Variants in SNTG1 observed in about 807,000 individuals in gnomAD.
SNTG1 encodes syntrophin gamma 1, also known as gamma-1-syntrophin.
A neutral mutation model predicts 74.7 loss-of-function variants in SNTG1; 39 were observed. The observed-to-expected ratio is 0.52, with a 90% confidence interval of 0.40 to 0.68. The LOEUF (loss-of-function observed/expected upper bound fraction) is 0.68, where lower values mean the gene tolerates loss of function less well. Ranked by LOEUF, SNTG1 falls within the 30% of genes least tolerant of loss-of-function variation. The pLI, the probability that SNTG1 is intolerant of heterozygous loss-of-function variation, is 0.00. For missense variants in SNTG1, 685 were observed against 609.5 expected (o/e 1.12, Z -1.30); for synonymous variants, 254 against 217.1 (o/e 1.17, Z -1.49).
At chr8:50,555,915 C>T (rs756309233) in intron 12 of SNTG1, among the ~76,000 whole-genome samples, 79 of 152,118 alleles carry the variant, frequency 5.2e-4, no homozygotes, top group African/African-American at 1.4e-3. Context: ...AAACAAAAAA[C>T]GAAAAACAAC....
chr8:50,165,713 T>C (rs550841765), intron 1 of SNTG1, among the ~76,000 whole-genome samples: 1 of 152,306 alleles, frequency 6.6e-6, no homozygotes, highest in South Asian at 2.1e-4. Context: ...AAACCCTGGA[T>C]TGGAAAACCT....
intron 2 of SNTG1, among the ~76,000 whole-genome samples, chr8:50,343,350 T>C (rs996792155): frequency 2.6e-5 from 4 of 152,226 alleles, no homozygotes; most frequent in African/African-American, 9.6e-5. Context: ...GATTTCTGTG[T>C]CAGAGGACTC....
chr8:50,782,031 C>A (rs573780474), intron 18 of SNTG1, among the ~76,000 whole-genome samples: 2 of 152,214 alleles, frequency 1.3e-5, no homozygotes, highest in South Asian at 4.1e-4. Context: ...TGAATATTGG[C>A]CCCCACTGTC....
At chr8:50,121,640 A>T (rs1178417795) in intron 1 of SNTG1, among the ~76,000 whole-genome samples, 1 of 142,028 alleles carries the variant, frequency 7.0e-6, no homozygotes, top group East Asian at 2.0e-4. Context: ...AGAGAAGGAG[A>T]ATTTGTTGAG....
intron 3 of SNTG1, 87 bp downstream of exon 3, chr8:50,394,352 G>A: frequency 1.5e-6 from 2 of 1,374,248 alleles, no homozygotes; most frequent in South Asian, 2.6e-5. Context: ...GGGAAATTCT[G>A]CTTTTGGCAG....
intron 13 of SNTG1, among the ~76,000 whole-genome samples, chr8:50,611,009 T>C (rs944117615): frequency 6.6e-6 from 1 of 152,150 alleles, no homozygotes; most frequent in Admixed American, 6.5e-5. Flanking sequence ...TTAAGGATAT[T>C]AAAATTAAGG....
intron 2 of SNTG1, among the ~76,000 whole-genome samples, chr8:50,385,631 T>C (rs1021120215): frequency 1.3e-5 from 2 of 152,172 alleles, no homozygotes; most frequent in African/African-American, 4.8e-5. Context: ...GCTATTGACA[T>C]AGGGCTGAAG....
intron 2 of SNTG1, among the ~76,000 whole-genome samples, chr8:50,235,156 G>C (rs2085824423): frequency 6.6e-6 from 1 of 152,118 alleles, no homozygotes; most frequent in South Asian, 2.1e-4. Context: ...CATGTTCATT[G>C]CAGCTGTATC....
At chr8:50,158,792 C>T (rs916449611) in intron 1 of SNTG1, among the ~76,000 whole-genome samples, 4 of 151,998 alleles carry the variant, frequency 2.6e-5, no homozygotes, top group African/African-American at 7.2e-5. Context: ...TTCTGGTAGG[C>T]CTTGATGCAC....
intron 1 of SNTG1, among the ~76,000 whole-genome samples, chr8:50,065,314 T>C (rs1428498878): frequency 1.3e-5 from 2 of 152,212 alleles, no homozygotes; most frequent in Non-Finnish European, 2.9e-5. Flanking sequence ...TTTTATCTTA[T>C]TTTTGTTTAG....
intron 17 of SNTG1, among the ~76,000 whole-genome samples, chr8:50,733,067 T>G (rs2095516811): frequency 6.6e-6 from 1 of 151,974 alleles, no homozygotes; most frequent in Non-Finnish European, 1.5e-5. Flanking sequence ...ATAGACAGTT[T>G]TTCAACAGAC....
In SNTG1 at chr8:50,065,412, T is replaced by C. The variant is rs906836914; in HGVS notation, c.-102-107149T>C. On this transcript the variant is annotated intron_variant, in intron 1 of 18. Coordinates refer to ENST00000642720, the MANE Select transcript of SNTG1 (RefSeq NM_018967.5). ...ACAAATAAAAAGATGCATAAATAAA[T>C]AGAATAAATAAAATCGCATTTTAAT... Among the ~76,000 whole-genome samples the C allele has an allele frequency of 3.9e-5, 6 of 152,274 alleles. 1 individual carries two copies. The South Asian group carries it at 8.3e-4, about 21-fold the overall frequency.
chr8:50,612,631 T>A (rs1306208143), intron 13 of SNTG1, among the ~76,000 whole-genome samples: 1 of 152,204 alleles, frequency 6.6e-6, no homozygotes, highest in Admixed American at 6.5e-5. Flanking sequence ...TGTTCCCTAC[T>A]ATGCCTATGA....
intron 1 of SNTG1, among the ~76,000 whole-genome samples, chr8:49,973,479 G>A (rs896935161): frequency 1.5e-4 from 22 of 151,452 alleles, no homozygotes; most frequent in South Asian, 4.2e-4. Context: ...TAACCTGCAC[G>A]TTGTGCACAT....
chr8:50,578,020 G>A (rs2094586700), intron 12 of SNTG1, among the ~76,000 whole-genome samples: 1 of 152,166 alleles, frequency 6.6e-6, no homozygotes, highest in Non-Finnish European at 1.5e-5. Flanking sequence ...AAAGATAGAA[G>A]TGGCATACAG....
Position 50,659,339 on chromosome 8 carries a change from G to T in SNTG1, c.1038+676G>T, listed in dbSNP as rs966562997. Among the ~76,000 whole-genome samples the T allele has an allele frequency of 7.9e-5, 12 of 152,078 alleles. No homozygotes were observed. In the East Asian group the frequency reaches 2.1e-3, roughly 27 times the overall value. ...ATATATATTCACTTTCTACTTTAGGGTTTGTAGGCTTGGACTCACCACAGA... is the reference window on the plus strand; with the variant it reads ...ATATATATTCACTTTCTACTTTAGGTTTTGTAGGCTTGGACTCACCACAGA... On this transcript the variant is annotated intron_variant, in intron 15 of 18. Coordinates refer to ENST00000642720, the MANE Select transcript of SNTG1 (RefSeq NM_018967.5).
At chr8:50,672,336 T>C (rs574216917) in intron 15 of SNTG1, among the ~76,000 whole-genome samples, 56 of 152,278 alleles carry the variant, frequency 3.7e-4, no homozygotes, top group African/African-American at 1.3e-3. Flanking sequence ...CCACAGTCTC[T>C]CCACCATCTA....
rs76450278 is a variant in SNTG1 at position 50,430,581 on chromosome 8, A to G, written c.163-7962A>G. Among the ~76,000 whole-genome samples, 320 of 152,310 alleles carry G rather than the reference A, an allele frequency of 2.1e-3. 2 individuals are homozygous for G. The highest frequency in any genetic ancestry group is 7.4e-3 in the African/African-American group (307 of 41,570). ...TAGCCCCCACATGCTGAAGAAGCCA[A>G]GGAACCAAAGAATGAGACAGACAAA... is the stretch of plus-strand genomic sequence containing the variant. On this transcript the variant is annotated intron_variant, in intron 4 of 18. Coordinates refer to ENST00000642720, the MANE Select transcript of SNTG1 (RefSeq NM_018967.5).
chr8:50,505,623 T>G (rs1412597258), intron 9 of SNTG1, among the ~76,000 whole-genome samples: 3 of 152,146 alleles, frequency 2.0e-5, no homozygotes, highest in Non-Finnish European at 2.9e-5. Flanking sequence ...AAGCGTCTTT[T>G]CACATATTTA....
Sources: allele counts gnomAD v4.1 joint callset (sites outside exome capture counted in the v4.1 genomes callset), GRCh38; gene constraint gnomAD v4.1.1; transcripts MANE v1.5; gene names NCBI Gene and HGNC (gene_info 2026-07-23, HGNC 2026-07-21).